MFSD6: variants seen among roughly 807,000 people sequenced by gnomAD.
MFSD6 encodes the protein major facilitator superfamily domain-containing protein 6.
MFSD6 carries 26 observed loss-of-function variants against 56.3 expected under a neutral mutation model. That is an observed-to-expected ratio of 0.46 (90% confidence interval 0.34 to 0.64). The LOEUF is 0.64. Among genes scored for constraint, MFSD6 ranks in the 30% least tolerant of loss-of-function variants. The pLI is 0.01. For missense variants in MFSD6, 750 were observed against 986.2 expected, an observed-to-expected ratio of 0.76 and a Z score of 3.21; for synonymous variants, 331 against 366.9, an observed-to-expected ratio of 0.90 and a Z score of 1.12.
At position 190,412,645 on chromosome 2, in the gene MFSD6, G is replaced by C; in HGVS notation, c.-175-2647G>C. 1.0e-6 allele frequency: 1 copy of C among 973,070 alleles called. No homozygotes were observed. The highest frequency in any genetic ancestry group is 1.2e-6 in the Non-Finnish European group (1 of 818,790). 60.3% of individuals were successfully genotyped at this position (973,070 alleles called of 1,614,324 possible). On this transcript the variant is annotated intron_variant, in intron 1 of 7. Transcript: ENST00000392328. The surrounding 1 kb of genome is among the most constrained non-coding windows in gnomAD (Gnocchi z 4.1). Reference sequence around the variant, plus strand: ...CCTCCACCAAGAACATTTCCTTTGAGTTTATAATTCCTCCATGTTTAATTA... The same window carrying C: ...CCTCCACCAAGAACATTTCCTTTGACTTTATAATTCCTCCATGTTTAATTA...
chr2:190,413,017 A>G lies in MFSD6; in HGVS notation c.-175-2275A>G, dbSNP rs1433980053. Among the ~76,000 whole-genome samples, 3 of 152,212 alleles carry G rather than the reference A, an allele frequency of 2.0e-5. No homozygotes were observed. Among genetic ancestry groups the G allele is most frequent in the Admixed American group, 6.5e-5 (1 of 15,272 alleles). The stretch of plus-strand genomic sequence containing the variant: ...CGTGGAACACCTAAACCTTGAGCCT[A>G]TATGTTAATATGTGTCTGCTATAGT... On this transcript the variant is annotated intron_variant, in intron 1 of 7. Coordinates refer to ENST00000392328, the MANE Select transcript of MFSD6 (RefSeq NM_017694.4). The surrounding 1 kb of genome is among the most constrained non-coding windows in gnomAD (Gnocchi z 4.1).
At position 190,490,516 on chromosome 2, in the gene MFSD6, T is replaced by C. The variant is rs1689282463; in HGVS notation, c.1891+650T>C. 1.3e-5 allele frequency among the ~76,000 whole-genome samples: 2 copies of C among 151,446 alleles called. No homozygotes were observed. Among genetic ancestry groups the C allele is most frequent in the South Asian group, 4.1e-4 (2 of 4,826 alleles). On this transcript the variant is annotated intron_variant, in intron 6 of 7. Transcript: ENST00000392328. The surrounding 1 kb of genome is among the most constrained non-coding windows in gnomAD (Gnocchi z 4.5). The stretch of plus-strand genomic sequence containing the variant: ...AGGTGGAGCTTGCAGTGAGCCGAGA[T>C]AGCACCACTGCAGTCCAGCCTGGGG...
At chr2:190,468,743 G>A (rs1162065792) in intron 3 of MFSD6, among the ~76,000 whole-genome samples, 1 of 151,794 alleles carries the variant, frequency 6.6e-6, no homozygotes, top group African/African-American at 2.4e-5. Flanking sequence ...ACAGGCATGA[G>A]TCAATACACT....
chr2:190,458,516 A>G lies in MFSD6; in HGVS notation c.1533-11242A>G, dbSNP rs1341122565. Reference sequence around the variant, plus strand: ...TAAATTTCTGTTGTTGAAGCCACCCAGTCTGTGGTATTTGTTACAGCAGCC... The same window carrying G: ...TAAATTTCTGTTGTTGAAGCCACCCGGTCTGTGGTATTTGTTACAGCAGCC... On this transcript the variant is annotated intron_variant, in intron 3 of 7. Coordinates refer to ENST00000392328, the MANE Select transcript of MFSD6 (RefSeq NM_017694.4). The surrounding 1 kb of genome is among the most constrained non-coding windows in gnomAD (Gnocchi z 5.3). 1.3e-5 allele frequency among the ~76,000 whole-genome samples: 2 copies of G among 152,166 alleles called. No homozygotes were observed. Among genetic ancestry groups the G allele is most frequent in the Non-Finnish European group, 2.9e-5 (2 of 68,044 alleles).
At chr2:190,441,703 G>A (rs1041683997) in intron 3 of MFSD6, among the ~76,000 whole-genome samples, 2 of 151,984 alleles carry the variant, frequency 1.3e-5, no homozygotes, top group African/African-American at 2.4e-5. Flanking sequence ...ACTCTGTCCC[G>A]CTTCCCAGAC....
At position 190,495,441 on chromosome 2, in the gene MFSD6, T is replaced by A. The variant is rs370866546; in HGVS notation, c.1892-1998T>A. 6.6e-6 allele frequency among the ~76,000 whole-genome samples: 1 copy of A among 151,990 alleles called. No individual in the cohort carries two copies. The highest frequency in any genetic ancestry group is 1.9e-4 in the East Asian group (1 of 5,182). On this transcript the variant is annotated intron_variant, in intron 6 of 7. Coordinates refer to ENST00000392328, the MANE Select transcript of MFSD6 (RefSeq NM_017694.4). This position sits in a 1 kb window ranked among gnomAD's most constrained non-coding sequence, Gnocchi z 4.7. ...ATACTGCTAAAAGCAATCTACAAAT[T>A]CAATGCAATTCCCATCAAATACCAC...
Position 190,412,521 on chromosome 2 carries a change from A to ACATGGCATTTCCTTGGG in MFSD6, c.-175-2767_-175-2751dup. On this transcript the variant is annotated intron_variant, in intron 1 of 7. Transcript: ENST00000392328. This position sits in a 1 kb window ranked among gnomAD's most constrained non-coding sequence, Gnocchi z 4.1. ...AAAATTTCTTCCTCAAACTCAACTA[A>ACATGGCATTTCCTTGGG]CATGGCATTTCCTTGGGCATAGCAT... 4.1e-6 allele frequency: 4 copies of ACATGGCATTTCCTTGGG among 985,432 alleles called. No homozygotes were observed. Among genetic ancestry groups the ACATGGCATTTCCTTGGG allele is most frequent in the Non-Finnish European group, 4.8e-6 (4 of 829,928 alleles). The allele number at this position is 985,432 out of a possible 1,614,324, so 61.0% of individuals were successfully genotyped here.
At chr2:190,484,503 A>G (rs1470900696) in intron 4 of MFSD6, among the ~76,000 whole-genome samples, 1 of 152,192 alleles carries the variant, frequency 6.6e-6, no homozygotes, top group African/African-American at 2.4e-5. Flanking sequence ...GACTTCCTAA[A>G]TCTTGTCTTA....
chr2:190,493,388 C>G (rs188374764), intron 6 of MFSD6, among the ~76,000 whole-genome samples: 51 of 152,236 alleles, frequency 3.4e-4, no homozygotes, highest in Non-Finnish European at 5.9e-4. Flanking sequence ...ATAAAACAAT[C>G]ACTACCAGAC....
intron 4 of MFSD6, among the ~76,000 whole-genome samples, chr2:190,479,601 G>C (rs1688546847): frequency 6.6e-6 from 1 of 152,144 alleles, no homozygotes; most frequent in African/African-American, 2.4e-5. Context: ...TTCCTCTGTG[G>C]GTGTTGGTTG....
At chr2:190,480,778 T>C (rs1688618375) in intron 4 of MFSD6, among the ~76,000 whole-genome samples, 1 of 152,210 alleles carries the variant, frequency 6.6e-6, no homozygotes, top group Non-Finnish European at 1.5e-5. Flanking sequence ...GACATGAGTA[T>C]TAAATACACT....
In MFSD6 at chr2:190,437,119, G is replaced by A. The variant is rs760269189; in HGVS notation, c.1090G>A (p.Glu364Lys). 10 of 1,614,210 alleles carry A rather than the reference G, an allele frequency of 6.2e-6. No individual in the cohort carries two copies. Among genetic ancestry groups the A allele is most frequent in the Middle Eastern group, 3.3e-4 (2 of 6,062 alleles). ...LIDGKGCKPP[E>K]YRNYQIVFIV... is the part of the protein sequence containing the mutation. Reference sequence around the variant, plus strand: ...CGATGGAAAGGGGTGTAAGCCCCCCGAGTACAGGAATTACCAGATCGTCTT... The same window carrying A: ...CGATGGAAAGGGGTGTAAGCCCCCCAAGTACAGGAATTACCAGATCGTCTT... Residue 364 changes from glutamate (E) to lysine (K), a missense_variant, in exon 3 of 8, where the codon GAG becomes AAG. Physicochemically the swap from Glu to Lys is moderately conservative, Grantham distance 56. Around this residue, in one of 5 missense-constraint regions of MFSD6, gnomAD observed 376 missense variants for 437.9 expected, o/e 0.86. Transcript: ENST00000392328. The surrounding 1 kb of genome is among the most constrained non-coding windows in gnomAD (Gnocchi z 5.9).
In MFSD6 at chr2:190,492,722, TAC is replaced by T. The variant is rs1413727116; in HGVS notation, c.1891+2858_1891+2859del. ...CTAAGCTTCATAAATAAAGGAAAGA[TAC>T]AGTCTTTTTCAGACAAACAAATGCT... is the stretch of plus-strand genomic sequence containing the variant. On this transcript the variant is annotated intron_variant, in intron 6 of 7. Coordinates refer to ENST00000392328, the MANE Select transcript of MFSD6 (RefSeq NM_017694.4). This position sits in a 1 kb window ranked among gnomAD's most constrained non-coding sequence, Gnocchi z 5.2. Among the ~76,000 whole-genome samples, 1 of 151,842 alleles carries T rather than the reference TAC, an allele frequency of 6.6e-6. No homozygotes were observed. Among genetic ancestry groups the T allele is most frequent in the Non-Finnish European group, 1.5e-5 (1 of 67,984 alleles).
intron 4 of MFSD6, among the ~76,000 whole-genome samples, chr2:190,476,787 A>G (rs1306411052): frequency 3.3e-5 from 5 of 152,142 alleles, no homozygotes; most frequent in Admixed American, 3.3e-4. Flanking sequence ...CACAATAGCA[A>G]AGACTTGGAA....
rs1575822059 is a variant in MFSD6, at chr2:190,423,298, C to G, written c.-54+7885C>G. ...CCTCTACTTCCCTCCTGTCCCCACT[C>G]TCTAGTGAATTCCTGGCAATCACCT... is the stretch of plus-strand genomic sequence containing the variant. On this transcript the variant is annotated intron_variant, in intron 2 of 7. Coordinates refer to ENST00000392328, the MANE Select transcript of MFSD6 (RefSeq NM_017694.4). The surrounding 1 kb of genome is among the most constrained non-coding windows in gnomAD (Gnocchi z 4.3). 6.6e-6 allele frequency among the ~76,000 whole-genome samples: 1 copy of G among 152,212 alleles called. No homozygotes were observed. The highest frequency in any genetic ancestry group is 1.9e-4 in the East Asian group (1 of 5,204).
chr2:190,445,992 A>T (rs968576887), intron 3 of MFSD6, among the ~76,000 whole-genome samples: 2 of 152,290 alleles, frequency 1.3e-5, no homozygotes, highest in East Asian at 1.9e-4. Context: ...GAGGGGAAAA[A>T]AATACATTAT....
At chr2:190,474,859 T>G (rs1331344185) in intron 4 of MFSD6, among the ~76,000 whole-genome samples, 2 of 152,136 alleles carry the variant, frequency 1.3e-5, no homozygotes, top group East Asian at 3.9e-4. Context: ...ATCAAAAAGC[T>G]TATCCACCAT....
rs767593724 is a variant in MFSD6, at chr2:190,412,588, A to T, written c.-175-2704A>T. 2.0e-6 allele frequency: 2 copies of T among 985,214 alleles called. No homozygotes were observed. Among genetic ancestry groups the T allele is most frequent in the African/African-American group, 1.7e-5 (1 of 57,194 alleles). The allele number at this position is 985,214 out of a possible 1,614,324, so 61.0% of individuals were successfully genotyped here. A position where few individuals can be genotyped will look rare whatever the true frequency, so the allele number is the denominator to read the frequency against. ...AAGCAAACAAACACATCTGATGTCA[A>T]TTCTGTGTGGGGCAATGAAAACACC... On this transcript the variant is annotated intron_variant, in intron 1 of 7. Transcript: ENST00000392328. The surrounding 1 kb of genome is among the most constrained non-coding windows in gnomAD (Gnocchi z 4.1).
rs1307379570 is a variant in MFSD6 at position 190,494,262 on chromosome 2, T to G, written c.1892-3177T>G. On this transcript the variant is annotated intron_variant, in intron 6 of 7. Transcript: ENST00000392328. The surrounding 1 kb of genome is among the most constrained non-coding windows in gnomAD (Gnocchi z 5.7). The stretch of plus-strand genomic sequence containing the variant: ...CATAAACTGGAAAACGCAGAGGAGA[T>G]AAATTCCTTGAAAGACACAACCCTC... Among the ~76,000 whole-genome samples, 1 of 152,032 alleles carries G rather than the reference T, an allele frequency of 6.6e-6. No homozygotes were observed. The highest frequency in any genetic ancestry group is 1.9e-4 in the East Asian group (1 of 5,196).
Sources: gnomAD v4.1 joint callset for allele counts (sites outside exome capture counted in the v4.1 genomes callset) on GRCh38, gnomAD v4.1.1 for gene constraint, gnomAD v4.1.1 regional missense constraint, Gnocchi (gnomAD v3.1) non-coding constraint, MANE v1.5 for transcripts, NCBI Gene and HGNC (gene_info 2026-07-23, HGNC 2026-07-21) for gene names.